Variants in CSNK1A1 observed in about 807,000 individuals in gnomAD.
CSNK1A1 encodes the protein casein kinase I isoform alpha.
A neutral mutation model predicts 46.1 loss-of-function variants in CSNK1A1; 7 were observed. The ratio of observed to expected loss-of-function variants is 0.15; its 90% CI spans 0.09 to 0.29. The LOEUF (loss-of-function observed/expected upper bound fraction) is 0.29, where lower values mean the gene tolerates loss of function less well. Ranked by LOEUF, CSNK1A1 falls within the 10% of genes least tolerant of loss-of-function variation. The pLI, the probability that CSNK1A1 is intolerant of heterozygous loss-of-function variation, is 1.00. For synonymous variants in CSNK1A1, 137 were observed against 141.5 expected, an observed-to-expected ratio of 0.97 and a Z score of 0.23; for missense variants, 96 against 417.1, an observed-to-expected ratio of 0.23 and a Z score of 6.71.
At chr5:149,547,711 A>C (rs1762524462) in intron 2 of CSNK1A1, among the ~76,000 whole-genome samples, 1 of 152,192 alleles carries the variant, frequency 6.6e-6, no homozygotes, top group African/African-American at 2.4e-5. Flanking sequence ...AAAAACTTCA[A>C]ATCTATATCA....
rs1761062769 is a variant in CSNK1A1 at position 149,507,270 on chromosome 5, G to A, written c.751-137C>T. 2.6e-5 allele frequency: 16 copies of A among 624,372 alleles called. No homozygotes were observed. In the South Asian group the frequency reaches 3.0e-4, roughly 12 times the overall value. 38.7% of individuals were successfully genotyped at this position (624,372 alleles called of 1,614,324 possible). ...CATAGGAAGATATGAGAGCTAAAAT[G>A]ATGGCTTGGTCTCCTCATAAATTTA... On this transcript the variant is annotated intron_variant, in intron 7 of 9. Transcript: ENST00000377843.
At chr5:149,498,936 G>T in intron 9 of CSNK1A1, 1 of 985,320 alleles carries the variant, frequency 1.0e-6, no homozygotes, top group Non-Finnish European at 1.2e-6. Context: ...GTCAATAAAT[G>T]ATTACAATTG....
At chr5:149,497,389 T>TA (rs1374753170) in intron 9 of CSNK1A1, 1 of 985,764 alleles carries the variant, frequency 1.0e-6, no homozygotes, top group Non-Finnish European at 1.2e-6. Context: ...CTTAGACCTT[T>TA]AAAACTTCTT....
chr5:149,500,189 G>A lies in CSNK1A1; in HGVS notation c.1007-3329C>T, dbSNP rs576734022. On this transcript the variant is annotated intron_variant, in intron 9 of 9. Transcript: ENST00000377843. ...GTCTTGCTCTGTCGCCCAGGCTGGAGTGCAGTGGCGCGATCTTGGCTCACT... is the reference window on the plus strand; with the variant it reads ...GTCTTGCTCTGTCGCCCAGGCTGGAATGCAGTGGCGCGATCTTGGCTCACT... 4.4e-4 allele frequency among the ~76,000 whole-genome samples: 65 copies of A among 148,162 alleles called. 1 individual carries two copies. Among genetic ancestry groups the A allele is most frequent in the Admixed American group, 1.6e-3 (24 of 14,860 alleles).
In CSNK1A1 at chr5:149,507,008, A is replaced by G; in HGVS notation, c.857+19T>C. 6.3e-7 allele frequency: 1 copy of G among 1,585,672 alleles called. No homozygotes were observed. The highest frequency in any genetic ancestry group is 8.6e-7 in the Non-Finnish European group (1 of 1,161,230). On this transcript the variant is annotated intron_variant, in intron 8 of 9. Transcript: ENST00000377843. ...TTCCCTCACAGAGTTTATAATCTTA[A>G]AATACCTTAAAAACTGACCTGAAAA...
At chr5:149,522,555 A>G (rs1207821322) in intron 3 of CSNK1A1, among the ~76,000 whole-genome samples, 1 of 152,072 alleles carries the variant, frequency 6.6e-6, no homozygotes, top group Non-Finnish European at 1.5e-5. Flanking sequence ...ATTTGTCCCC[A>G]TTTTCCCCAG....
At chr5:149,547,734 T>C (rs1762524927) in intron 2 of CSNK1A1, among the ~76,000 whole-genome samples, 1 of 152,184 alleles carries the variant, frequency 6.6e-6, no homozygotes. Context: ...TCAGATTTAA[T>C]CTTCACCTCA....
chr5:149,531,286 G>C (rs1761886950), intron 2 of CSNK1A1, among the ~76,000 whole-genome samples: 1 of 152,140 alleles, frequency 6.6e-6, no homozygotes, highest in South Asian at 2.1e-4. Flanking sequence ...TGTAATCCCA[G>C]CACTTTGGGA....
chr5:149,504,918 C>T (rs995467596), intron 9 of CSNK1A1: 1 of 985,510 alleles, frequency 1.0e-6, no homozygotes. Flanking sequence ...AAGATAGACA[C>T]TTTGGGGGTA....
At chr5:149,523,797 A>G (rs1230537826) in intron 3 of CSNK1A1, among the ~76,000 whole-genome samples, 1 of 152,204 alleles carries the variant, frequency 6.6e-6, no homozygotes, top group African/African-American at 2.4e-5. Flanking sequence ...TACTTCAAAC[A>G]TTTATATTTT....
intron 9 of CSNK1A1, among the ~76,000 whole-genome samples, chr5:149,500,184 C>A (rs1290083582): frequency 6.9e-6 from 1 of 144,276 alleles, no homozygotes; most frequent in Non-Finnish European, 1.5e-5. Context: ...GTCGCCCAGG[C>A]TGGAGTGCAG....
chr5:149,502,022 G>A, intron 9 of CSNK1A1: 1 of 973,980 alleles, frequency 1.0e-6, no homozygotes. Context: ...TATTGGAATG[G>A]AGTATTTGAA....
At chr5:149,545,970 C>T (rs1274529424) in intron 2 of CSNK1A1, among the ~76,000 whole-genome samples, 1 of 151,752 alleles carries the variant, frequency 6.6e-6, no homozygotes, top group Non-Finnish European at 1.5e-5. Context: ...CTCACTGCAA[C>T]CTCCGCCTCC....
At chr5:149,514,809 G>A (rs1302540618) in intron 4 of CSNK1A1, among the ~76,000 whole-genome samples, 1 of 152,102 alleles carries the variant, frequency 6.6e-6, no homozygotes, top group Non-Finnish European at 1.5e-5. Context: ...CCATGTCAAC[G>A]AGATACTGAT....
intron 9 of CSNK1A1, among the ~76,000 whole-genome samples, chr5:149,500,182 G>C (rs1436838497): frequency 7.1e-6 from 1 of 140,472 alleles, no homozygotes; most frequent in Non-Finnish European, 1.5e-5. Flanking sequence ...CTGTCGCCCA[G>C]GCTGGAGTGC....
At position 149,520,329 on chromosome 5, in the gene CSNK1A1, T is replaced by C. The variant is rs780735986; in HGVS notation, c.417A>G (p.Pro139=). The change falls in exon 4 of 10, where the codon CCA becomes CCG. Residue 139 remains proline (P), a synonymous_variant. Transcript: ENST00000377843. ...TKNFIHRDIK[P]DNFLMGIGRH... is the part of the protein sequence containing the mutation. Reference sequence around the variant, plus strand: ...GCCCAATACCCATTAGGAAGTTATCTGGTTTAATGTCTCTGTGTATAAAAT... The same window carrying C: ...GCCCAATACCCATTAGGAAGTTATCCGGTTTAATGTCTCTGTGTATAAAAT... 5 of 1,610,710 alleles carry C rather than the reference T, an allele frequency of 3.1e-6. No individual in the cohort carries two copies. The Admixed American group carries it at 8.3e-5, about 27-fold the overall frequency.
chr5:149,502,519 TTGG>T (rs1351657244), intron 9 of CSNK1A1: 13 of 28,804 alleles, frequency 4.5e-4, no homozygotes, highest in African/African-American at 4.0e-3. Flanking sequence ...CTTTTTTTTT[TTGG>T]GGGGGGGGGG....
intron 9 of CSNK1A1, chr5:149,501,329 G>C: frequency 5.1e-6 from 5 of 985,366 alleles, no homozygotes; most frequent in Non-Finnish European, 6.0e-6. Flanking sequence ...GTACTTCTTA[G>C]AATTGAGTGT....
chr5:149,525,284 G>T lies in CSNK1A1; in HGVS notation c.231-113C>A. On this transcript the variant is annotated intron_variant, in intron 2 of 9. Coordinates refer to ENST00000377843, the MANE Select transcript of CSNK1A1 (RefSeq NM_001892.6). The surrounding 1 kb of genome is among the most constrained non-coding windows in gnomAD (Gnocchi z 4.2). ...TGACTAGGTATTATATAAGGCGAATGTTCCCCTACTCAGAAGACAAACCCA... is the reference window on the plus strand; with the variant it reads ...TGACTAGGTATTATATAAGGCGAATTTTCCCCTACTCAGAAGACAAACCCA... 9.2e-7 allele frequency: 1 copy of T among 1,082,926 alleles called. No homozygotes were observed. Among genetic ancestry groups the T allele is most frequent in the South Asian group, 2.2e-5 (1 of 45,700 alleles). 67.1% of individuals were successfully genotyped at this position (1,082,926 alleles called of 1,614,324 possible). A position where few individuals can be genotyped will look rare whatever the true frequency, so the allele number is the denominator to read the frequency against.
Sources: allele counts gnomAD v4.1 joint callset (sites outside exome capture counted in the v4.1 genomes callset), GRCh38; gene constraint gnomAD v4.1.1; non-coding constraint Gnocchi (gnomAD v3.1); transcripts MANE v1.5; gene names NCBI Gene and HGNC (gene_info 2026-07-23, HGNC 2026-07-21).